ERBB4: variants seen among roughly 807,000 people sequenced by gnomAD.
The protein encoded by ERBB4 is receptor tyrosine-protein kinase erbB-4.
ERBB4 carries 42 observed loss-of-function variants against 158.0 expected under a neutral mutation model. That is an observed-to-expected ratio of 0.27 (90% CI 0.21 to 0.34). The LOEUF is 0.34. Among genes scored for constraint, ERBB4 ranks in the 10% least tolerant of loss-of-function variants. ERBB4 has a pLI of 1.00. For missense variants in ERBB4, 1,333 were observed against 1,624.1 expected (o/e 0.82, Z 3.08); for synonymous variants, 583 against 558.7 (o/e 1.04, Z -0.61).
chr2:211,819,032 G>A (rs1306899444), intron 3 of ERBB4, among the ~76,000 whole-genome samples: 4 of 151,870 alleles, frequency 2.6e-5, no homozygotes. Flanking sequence ...ATTGGCTTAT[G>A]GTAGCCTAAT....
chr2:211,452,059 A>G (rs867761493), intron 20 of ERBB4, among the ~76,000 whole-genome samples: 2 of 152,204 alleles, frequency 1.3e-5, no homozygotes, highest in African/African-American at 2.4e-5. Context: ...CCTTCCAAGA[A>G]ATAGCTTTCC....
chr2:211,540,723 C>A (rs749666164), intron 20 of ERBB4, among the ~76,000 whole-genome samples: 1 of 131,648 alleles, frequency 7.6e-6, no homozygotes, highest in African/African-American at 2.8e-5. Flanking sequence ...TGAATAGGGT[C>A]ACTAGAGAAA....
At chr2:212,007,517 AAAGAG>A (rs2076286779) in intron 2 of ERBB4, among the ~76,000 whole-genome samples, 1 of 151,890 alleles carries the variant, frequency 6.6e-6, no homozygotes, top group South Asian at 2.1e-4. Flanking sequence ...TTTAATCAAT[AAAGAG>A]AATACTCAGC....
intron 1 of ERBB4, among the ~76,000 whole-genome samples, chr2:212,160,144 T>C (rs1011921819): frequency 2.0e-5 from 3 of 151,928 alleles, no homozygotes; most frequent in Non-Finnish European, 2.9e-5. Flanking sequence ...GAAGGGTGAA[T>C]ATTTCTTATG....
intron 1 of ERBB4, among the ~76,000 whole-genome samples, chr2:212,268,592 T>C (rs2085233885): frequency 6.6e-6 from 1 of 151,926 alleles, no homozygotes; most frequent in South Asian, 2.1e-4. Flanking sequence ...AAGAAACTTC[T>C]GCAAAGGTTT....
At chr2:212,298,742 C>T (rs1212901302) in intron 1 of ERBB4, among the ~76,000 whole-genome samples, 1 of 151,684 alleles carries the variant, frequency 6.6e-6, no homozygotes, top group East Asian at 1.9e-4. Context: ...GCTGCCTCCA[C>T]AAGATACAAT....
intron 1 of ERBB4, among the ~76,000 whole-genome samples, chr2:212,459,634 G>A (rs1297383775): frequency 1.3e-5 from 2 of 151,940 alleles, no homozygotes; most frequent in Admixed American, 1.3e-4. Flanking sequence ...AATAGCCAAA[G>A]CTATCTTGAC....
intron 20 of ERBB4, chr2:211,535,540 T>C (rs1320383494): frequency 2.0e-5 from 3 of 151,498 alleles, no homozygotes; most frequent in Non-Finnish European, 4.4e-5. Flanking sequence ...TTCTCTCTAG[T>C]GCTGCTGGGA....
At chr2:211,519,588 A>C (rs931200229) in intron 20 of ERBB4, among the ~76,000 whole-genome samples, 4 of 152,170 alleles carry the variant, frequency 2.6e-5, no homozygotes, top group Admixed American at 2.6e-4. Context: ...GGACTAAAGG[A>C]TATGTAGAAA....
At chr2:212,341,363 AT>A (rs927400442) in intron 1 of ERBB4, among the ~76,000 whole-genome samples, 18 of 151,426 alleles carry the variant, frequency 1.2e-4, no homozygotes, top group African/African-American at 3.1e-4. Context: ...AATGTCTTAA[AT>A]TTTTTTTTGT....
chr2:211,383,688 A>G lies in ERBB4; in HGVS notation c.3854T>C (p.Leu1285Pro), dbSNP rs778995420. 3 of 1,613,834 alleles carry G rather than the reference A, an allele frequency of 1.9e-6. No homozygotes were observed. The highest frequency in any genetic ancestry group is 2.5e-6 in the Non-Finnish European group (3 of 1,179,972). The change falls in exon 28 of 28, where the codon CTC becomes CCC. Residue 1285 changes from leucine to proline, a missense_variant. By Grantham distance (98) the Leu-to-Pro change is moderately conservative. Coordinates refer to ENST00000342788, the MANE Select transcript of ERBB4 (RefSeq NM_005235.3). The stretch of plus-strand genomic sequence containing the variant: ...GCCTGGCTTCAGGGAGAACTCAGAG[A>G]GGTATTCAGGATTCTCTGCCACAAT... ...RPIVAENPEY[L>P]SEFSLKPGTV...
chr2:211,504,530 G>C (rs1264806080), intron 20 of ERBB4, among the ~76,000 whole-genome samples: 1 of 151,590 alleles, frequency 6.6e-6, no homozygotes, highest in Non-Finnish European at 1.5e-5. Flanking sequence ...AACCAGCACA[G>C]GAACTCTAGC....
chr2:212,025,318 C>T (rs1183224679), intron 2 of ERBB4, among the ~76,000 whole-genome samples: 2 of 151,668 alleles, frequency 1.3e-5, no homozygotes, highest in Non-Finnish European at 3.0e-5. Context: ...CCTAGTATCA[C>T]CGAAATTCAT....
At chr2:212,399,549 T>C (rs1460545852) in intron 1 of ERBB4, among the ~76,000 whole-genome samples, 2 of 16,228 alleles carry the variant, frequency 1.2e-4, no homozygotes, top group Non-Finnish European at 2.2e-4. Flanking sequence ...TATATACATA[T>C]ATATATATAT....
chr2:211,822,717 G>A (rs1192339584), intron 3 of ERBB4, among the ~76,000 whole-genome samples: 2 of 144,850 alleles, frequency 1.4e-5, no homozygotes, highest in African/African-American at 4.9e-5. Flanking sequence ...ATAGAATATT[G>A]TATAACTATT....
chr2:211,560,994 A>G (rs1307903989), intron 20 of ERBB4, among the ~76,000 whole-genome samples: 1 of 152,226 alleles, frequency 6.6e-6, no homozygotes, highest in East Asian at 1.9e-4. Flanking sequence ...GAATCTTAAA[A>G]GACTTCGGGT....
intron 2 of ERBB4, among the ~76,000 whole-genome samples, chr2:212,060,357 T>G (rs1195708151): frequency 6.6e-6 from 1 of 151,716 alleles, no homozygotes; most frequent in Non-Finnish European, 1.5e-5. Flanking sequence ...TTTACACTGT[T>G]GGTGGGACTG....
At chr2:211,398,766 G>A (rs1283415763) in intron 25 of ERBB4, among the ~76,000 whole-genome samples, 4 of 152,192 alleles carry the variant, frequency 2.6e-5, no homozygotes, top group African/African-American at 4.8e-5. Flanking sequence ...AAGAAGGGGA[G>A]GTTGCAGTAA....
intron 1 of ERBB4, among the ~76,000 whole-genome samples, chr2:212,191,699 A>T (rs779823398): frequency 0.33 from 13,525 of 41,122 alleles, 2,262 homozygotes; most frequent in Non-Finnish European, 0.44. Flanking sequence ...GTTACATATA[A>T]CACGTGTTAT....
Sources: gnomAD v4.1 joint callset for allele counts (sites outside exome capture counted in the v4.1 genomes callset) on GRCh38, gnomAD v4.1.1 for gene constraint, MANE v1.5 for transcripts, NCBI Gene and HGNC (gene_info 2026-07-23, HGNC 2026-07-21) for gene names.